The following AMOTL1 variants were observed in gnomAD, a reference collection of about 807,000 sequenced individuals.
AMOTL1 encodes angiomotin like 1, also known as angiomotin-like protein 1.
Under a neutral mutation model 102.9 loss-of-function variants are expected in AMOTL1, and 45 were observed. The observed-to-expected ratio is 0.44, with a 90% CI of 0.34 to 0.56. The LOEUF (loss-of-function observed/expected upper bound fraction) is 0.56. Ranked by LOEUF, AMOTL1 falls within the 20% of genes least tolerant of loss-of-function variation. The pLI is 0.01. For missense variants in AMOTL1, 1,114 were observed against 1,225.6 expected (o/e 0.91, Z 1.36); for synonymous variants, 481 against 484.7 (o/e 0.99, Z 0.10).
intron 2 of AMOTL1, among the ~76,000 whole-genome samples, chr11:94,798,088 G>A (rs532477011): frequency 6.6e-6 from 1 of 152,314 alleles, no homozygotes; most frequent in Non-Finnish European, 1.5e-5. Context: ...AGCTTGTAAT[G>A]TGGAATGAAC....
intron 2 of AMOTL1, among the ~76,000 whole-genome samples, chr11:94,797,926 GA>G (rs1951398832): frequency 1.3e-5 from 2 of 152,284 alleles, no homozygotes; most frequent in South Asian, 4.1e-4. Flanking sequence ...GCAGAGGAGT[GA>G]CATGATTAGA....
In AMOTL1 at chr11:94,856,593, C is replaced by A. The variant is rs781474457; in HGVS notation, c.1944+2511C>A. On this transcript the variant is annotated intron_variant, in intron 8 of 12. Transcript: ENST00000433060. Reference sequence around the variant, plus strand: ...CCCCTCCTCCTCATTCACCCTCACGCAACTCATGAATATGCCTGCCAGTTC... The same window carrying A: ...CCCCTCCTCCTCATTCACCCTCACGAAACTCATGAATATGCCTGCCAGTTC... Among the ~76,000 whole-genome samples, 4 of 152,296 alleles carry A rather than the reference C, an allele frequency of 2.6e-5. No individual in the cohort carries two copies. The South Asian group carries it at 8.3e-4, about 32-fold the overall frequency.
At chr11:94,782,112 G>T (rs1951123638) in intron 1 of AMOTL1, among the ~76,000 whole-genome samples, 1 of 152,168 alleles carries the variant, frequency 6.6e-6, no homozygotes, top group African/African-American at 2.4e-5. Context: ...TTGTGTGATG[G>T]AATTGTGATG....
chr11:94,734,694 C>G (rs80124162), intron 2 of AMOTL1, among the ~76,000 whole-genome samples: 1 of 152,072 alleles, frequency 6.6e-6, no homozygotes, highest in Non-Finnish European at 1.5e-5. Flanking sequence ...ATTGCTTCCC[C>G]GCTCTGCTCT....
intron 1 of AMOTL1, among the ~76,000 whole-genome samples, chr11:94,722,146 C>T (rs1419767169): frequency 6.6e-6 from 1 of 152,100 alleles, no homozygotes; most frequent in Non-Finnish European, 1.5e-5. Flanking sequence ...GCCTCTTCAC[C>T]TCTGTTGCTC....
intron 1 of AMOTL1, among the ~76,000 whole-genome samples, chr11:94,715,451 G>C (rs1443342773): frequency 6.6e-6 from 1 of 152,070 alleles, no homozygotes; most frequent in Admixed American, 6.6e-5. Flanking sequence ...GATTATAGGT[G>C]TGACTCACTG....
chr11:94,832,168 C>G (rs1952086219), intron 6 of AMOTL1, among the ~76,000 whole-genome samples: 3 of 152,232 alleles, frequency 2.0e-5, no homozygotes, highest in Admixed American at 2.0e-4. Context: ...GTTTGAATTT[C>G]TGCAGATTCA....
At chr11:94,781,637 C>A (rs1591958879) in intron 1 of AMOTL1, among the ~76,000 whole-genome samples, 1 of 152,024 alleles carries the variant, frequency 6.6e-6, no homozygotes, top group South Asian at 2.1e-4. Flanking sequence ...GAGATCGAGA[C>A]CATCCTGGCC....
rs921484550 is a variant in AMOTL1, at chr11:94,872,192, C to T, written c.*1397C>T. On this transcript the variant is annotated 3_prime_UTR_variant, in exon 13 of 13. Coordinates refer to ENST00000433060, the MANE Select transcript of AMOTL1 (RefSeq NM_130847.3). ...GTGTTAGGTGGTGGGTCCATTAGAC[C>T]TCTGCTGTGACATTGCATATTCAGC... 1 of 152,084 alleles carries T rather than the reference C, an allele frequency of 6.6e-6. No individual in the cohort carries two copies. Among genetic ancestry groups the T allele is most frequent in the Non-Finnish European group, 1.5e-5 (1 of 68,026 alleles). 9.4% of individuals were successfully genotyped at this position (152,084 alleles called of 1,614,324 possible).
chr11:94,786,595 TTTA>T (rs1565351041), intron 1 of AMOTL1, among the ~76,000 whole-genome samples: 1 of 152,064 alleles, frequency 6.6e-6, no homozygotes, highest in South Asian at 2.1e-4. Context: ...TTTTTTCTTT[TTTA>T]TTATTATTAT....
At chr11:94,810,956 A>G (rs1209026240) in intron 3 of AMOTL1, among the ~76,000 whole-genome samples, 1 of 152,074 alleles carries the variant, frequency 6.6e-6, no homozygotes, top group Non-Finnish European at 1.5e-5. Flanking sequence ...AAGTCTCATT[A>G]CCATATTTTA....
chr11:94,778,025 A>C (rs541897617), intron 1 of AMOTL1, among the ~76,000 whole-genome samples: 1 of 152,376 alleles, frequency 6.6e-6, no homozygotes, highest in African/African-American at 2.4e-5. Context: ...GTAATGTATT[A>C]AGATGTTAGA....
intron 9 of AMOTL1, among the ~76,000 whole-genome samples, chr11:94,860,267 A>T (rs1360179890): frequency 6.6e-6 from 1 of 152,226 alleles, no homozygotes; most frequent in Non-Finnish European, 1.5e-5. Context: ...TTAGAGAGGT[A>T]CAGTGGTTGA....
intron 2 of AMOTL1, among the ~76,000 whole-genome samples, chr11:94,733,432 T>G (rs898593954): frequency 6.6e-6 from 1 of 152,248 alleles, no homozygotes; most frequent in Non-Finnish European, 1.5e-5. Flanking sequence ...TATTAAAGAT[T>G]AGTGGCAAAA....
At chr11:94,756,173 C>A (rs7936842) in intron 3 of AMOTL1, among the ~76,000 whole-genome samples, 20,922 of 151,896 alleles carry the variant, frequency 0.14, 3,113 homozygotes, top group African/African-American at 0.36. Flanking sequence ...CTCCTCTCAA[C>A]GTCCAGCCGC....
chr11:94,766,526 G>C (rs1950856741), upstream of AMOTL1, among the ~76,000 whole-genome samples: 1 of 152,162 alleles, frequency 6.6e-6, no homozygotes, highest in African/African-American at 2.4e-5. Context: ...ACTATAGGAT[G>C]GTATCTAGGA....
In AMOTL1 at chr11:94,708,671, G is replaced by A. The variant is rs138361467; in HGVS notation, c.-51+2074G>A. Among the ~76,000 whole-genome samples, 42 of 152,316 alleles carry A rather than the reference G, an allele frequency of 2.8e-4. No individual in the cohort carries two copies. The East Asian group carries it at 7.7e-3, about 28-fold the overall frequency. Reference sequence around the variant, plus strand: ...CACCACCTATGTTGTAAGTATTCATGTGTATGTGTTTAAAACTATCTGTAG... The same window carrying A: ...CACCACCTATGTTGTAAGTATTCATATGTATGTGTTTAAAACTATCTGTAG... On this transcript the variant is annotated intron_variant, in intron 1 of 4. Transcript: ENST00000299004.
At chr11:94,803,386 C>G (rs530774659) in intron 3 of AMOTL1, among the ~76,000 whole-genome samples, 6 of 152,266 alleles carry the variant, frequency 3.9e-5, no homozygotes, top group Admixed American at 2.6e-4. Flanking sequence ...CTTGACCCAC[C>G]TTGGCCCATG....
intron 6 of AMOTL1, among the ~76,000 whole-genome samples, chr11:94,839,592 T>A (rs1192641137): frequency 6.6e-6 from 1 of 152,208 alleles, no homozygotes; most frequent in East Asian, 1.9e-4. Context: ...GGTGGCAATG[T>A]TGAACTCCTG....
Sources: gnomAD v4.1 joint callset for allele counts (sites outside exome capture counted in the v4.1 genomes callset) on GRCh38, gnomAD v4.1.1 for gene constraint, MANE v1.5 for transcripts, NCBI Gene and HGNC (gene_info 2026-07-23, HGNC 2026-07-21) for gene names.